The following ATP11A variants were observed in gnomAD, a reference collection of about 807,000 sequenced individuals.
The protein encoded by ATP11A is ATPase phospholipid transporting 11A, also known as phospholipid-transporting ATPase IH.
Under a neutral mutation model 154.4 loss-of-function variants are expected in ATP11A, and 81 were observed. The ratio of observed to expected loss-of-function variants is 0.52; its 90% confidence interval spans 0.44 to 0.63. The LOEUF (loss-of-function observed/expected upper bound fraction) is 0.63, where lower values mean the gene tolerates loss of function less well. Among genes scored for constraint, ATP11A ranks in the 30% least tolerant of loss-of-function variants. ATP11A has a pLI of 0.00. For missense variants in ATP11A, 1,316 were observed against 1,474.3 expected (o/e 0.89, Z 1.76); for synonymous variants, 623 against 585.9 (o/e 1.06, Z -0.91).
intron 1 of ATP11A, among the ~76,000 whole-genome samples, chr13:112,709,678 T>G (rs1384228224): frequency 1.3e-5 from 2 of 151,968 alleles, no homozygotes; most frequent in Non-Finnish European, 2.9e-5. Flanking sequence ...CCCCTCGCTT[T>G]GAGTTGTCTC....
rs36001240 is a variant in ATP11A at position 112,785,111 on chromosome 13, C to G, written c.40-24C>G. 0.044 allele frequency: 63,563 copies of G among 1,441,810 alleles called. 1,910 individuals are homozygous for G. The highest frequency in any genetic ancestry group is 0.096 in the Admixed American group (3,618 of 37,564). 89.3% of individuals were successfully genotyped at this position (1,441,810 alleles called of 1,614,324 possible). On this transcript the variant is annotated intron_variant, in intron 1 of 29. Coordinates refer to ENST00000375645, the MANE Select transcript of ATP11A (RefSeq NM_015205.3). The surrounding 1 kb of genome is among the most constrained non-coding windows in gnomAD (Gnocchi z 4.8). Reference sequence around the variant, plus strand: ...TTGATGCAGGTTCTGAGGCAGCTGCCTAACACCGCTCTCCTTTCCGCAGTG... The same window carrying G: ...TTGATGCAGGTTCTGAGGCAGCTGCGTAACACCGCTCTCCTTTCCGCAGTG...
chr13:112,873,638 C>G lies in ATP11A; in HGVS notation c.3123C>G (p.Phe1041Leu), dbSNP rs144144372. 31 of 1,613,632 alleles carry G rather than the reference C, an allele frequency of 1.9e-5. No individual in the cohort carries two copies. In the African/African-American group the frequency reaches 3.9e-4, roughly 20 times the overall value. The change falls in exon 27 of 30, where the codon TTC (phenylalanine) becomes TTG (leucine). Residue 1041 changes from phenylalanine to leucine, a missense_variant. By Grantham distance (22) the Phe-to-Leu change is conservative. Coordinates refer to ENST00000375645, the MANE Select transcript of ATP11A (RefSeq NM_015205.3). ...TTGTCATCTGGGGGTCGCTGCTGTT[C>G]TACGTTGTCTTTTCGCTTCTCTGGG... ...NHFVIWGSLL[F>L]YVVFSLLWGG...
At chr13:112,706,529 G>A (rs1257185425) in intron 1 of ATP11A, among the ~76,000 whole-genome samples, 1 of 152,158 alleles carries the variant, frequency 6.6e-6, no homozygotes, top group Non-Finnish European at 1.5e-5. Flanking sequence ...CTAATTGCTT[G>A]GTTTGAATAA....
At chr13:112,774,760 G>A (rs2077305906) in intron 1 of ATP11A, among the ~76,000 whole-genome samples, 1 of 152,250 alleles carries the variant, frequency 6.6e-6, no homozygotes, top group Non-Finnish European at 1.5e-5. Context: ...GAGTGTGAGA[G>A]CCCTGGGTCT....
At position 112,881,215 on chromosome 13, in the gene ATP11A, C is replaced by T. The variant is rs904946300; in HGVS notation, c.*10-661C>T. ...CATCAGACAGATGCGTGCTGCCGGCCTCCTGCCGCTCCCCTTGCTGGTCAG... is the reference window on the plus strand; with the variant it reads ...CATCAGACAGATGCGTGCTGCCGGCTTCCTGCCGCTCCCCTTGCTGGTCAG... On this transcript the variant is annotated intron_variant, in intron 29 of 29. Coordinates refer to ENST00000375645, the MANE Select transcript of ATP11A (RefSeq NM_015205.3). The T allele has an allele frequency of 5.1e-6, 5 of 989,392 alleles. No individual in the cohort carries two copies. In the African/African-American group the frequency reaches 7.0e-5, roughly 14 times the overall value. 61.3% of individuals were successfully genotyped at this position (989,392 alleles called of 1,614,324 possible).
intron 3 of ATP11A, among the ~76,000 whole-genome samples, chr13:112,805,502 C>T (rs939054259): frequency 2.0e-5 from 3 of 151,924 alleles, no homozygotes; most frequent in Non-Finnish European, 4.4e-5. Context: ...ATGGCTAAAC[C>T]CTGTCTCTAC....
At position 112,785,670 on chromosome 13, in the gene ATP11A, G is replaced by A. The variant is rs368102086; in HGVS notation, c.162+413G>A. Reference sequence around the variant, plus strand: ...CACCCCGGAGAAAGAGCCAACAAACGCAGGCTGGACAGCAAAACCTGGGGG... The same window carrying A: ...CACCCCGGAGAAAGAGCCAACAAACACAGGCTGGACAGCAAAACCTGGGGG... On this transcript the variant is annotated intron_variant, in intron 2 of 29. Transcript: ENST00000375645. The surrounding 1 kb of genome is among the most constrained non-coding windows in gnomAD (Gnocchi z 4.8). Among the ~76,000 whole-genome samples, 321 of 152,236 alleles carry A rather than the reference G, an allele frequency of 2.1e-3. 2 individuals carry two copies. The highest frequency in any genetic ancestry group is 7.0e-3 in the African/African-American group (291 of 41,550).
chr13:112,805,550 C>T (rs2078296669), intron 3 of ATP11A, among the ~76,000 whole-genome samples: 1 of 151,850 alleles, frequency 6.6e-6, no homozygotes, highest in African/African-American at 2.4e-5. Flanking sequence ...GTGGTGCACA[C>T]CTGTAGTCCC....
chr13:112,870,011 G>A, intron 25 of ATP11A, among the ~76,000 whole-genome samples: 1 of 152,152 alleles, frequency 6.6e-6, no homozygotes. Flanking sequence ...CCACGCCCCA[G>A]AAATGTCTCC....
chr13:112,701,060 G>C (rs1375296411), intron 1 of ATP11A, among the ~76,000 whole-genome samples: 3 of 152,180 alleles, frequency 2.0e-5, no homozygotes, highest in Non-Finnish European at 2.9e-5. Context: ...TCAGGAGGAC[G>C]TTGGGGGGCA....
intron 1 of ATP11A, among the ~76,000 whole-genome samples, chr13:112,739,519 T>G (rs1891320730): frequency 6.6e-6 from 1 of 152,218 alleles, no homozygotes; most frequent in African/African-American, 2.4e-5. Flanking sequence ...CATTGCTGGT[T>G]TGGAATGTAA....
At chr13:112,730,541 C>A (rs953574979) in intron 1 of ATP11A, among the ~76,000 whole-genome samples, 6 of 152,206 alleles carry the variant, frequency 3.9e-5, no homozygotes, top group Non-Finnish European at 7.3e-5. Flanking sequence ...ATGGGACACA[C>A]AGCCGCTTCC....
intron 19 of ATP11A, 115 bp downstream of exon 19, chr13:112,854,645 C>A (rs936280433): frequency 3.6e-5 from 46 of 1,271,062 alleles, no homozygotes; most frequent in Admixed American, 8.1e-5. Context: ...ATTCGGTTCT[C>A]CCCTGGGGCA....
intron 6 of ATP11A, among the ~76,000 whole-genome samples, chr13:112,818,190 C>T (rs551354535): frequency 3.5e-5 from 5 of 143,410 alleles, no homozygotes; most frequent in Admixed American, 1.4e-4. Context: ...ACCGTCGGTG[C>T]GCTTGGTGAC....
chr13:112,844,713 C>G (rs2079525539), intron 17 of ATP11A, among the ~76,000 whole-genome samples: 1 of 145,048 alleles, frequency 6.9e-6, no homozygotes, highest in South Asian at 2.1e-4. Context: ...GGTACTAGTT[C>G]AGCGGCCGCT....
At chr13:112,840,261 C>T (rs1428729550) in intron 16 of ATP11A, among the ~76,000 whole-genome samples, 1 of 109,586 alleles carries the variant, frequency 9.1e-6, no homozygotes, top group African/African-American at 3.7e-5. Context: ...CCCACTCTCC[C>T]GTGCCCTCCA....
At chr13:112,878,461 C>A in intron 29 of ATP11A, 158 bp downstream of exon 29, 1 of 691,226 alleles carries the variant, frequency 1.4e-6, no homozygotes, top group East Asian at 2.7e-5. Context: ...CCACTTACAC[C>A]TTCTCATGCA....
intron 25 of ATP11A, among the ~76,000 whole-genome samples, chr13:112,867,219 G>A (rs924720461): frequency 1.3e-5 from 2 of 152,182 alleles, no homozygotes; most frequent in African/African-American, 4.8e-5. Context: ...TCAGCTGGAC[G>A]TTCAGATCAT....
Position 112,853,767 on chromosome 13 carries a change from A to T in ATP11A, c.1992-512A>T, listed in dbSNP as rs149033676. Among the ~76,000 whole-genome samples, 581 of 152,302 alleles carry T rather than the reference A, an allele frequency of 3.8e-3. 7 individuals are homozygous for T. Among genetic ancestry groups the T allele is most frequent in the African/African-American group, 0.013 (559 of 41,556 alleles). On this transcript the variant is annotated intron_variant, in intron 18 of 29. Transcript: ENST00000375645. Reference sequence around the variant, plus strand: ...GCCCATGGCACCTGTTGGCCATAGAATCACTAGTGTTATTCTCAGTATTTT... The same window carrying T: ...GCCCATGGCACCTGTTGGCCATAGATTCACTAGTGTTATTCTCAGTATTTT...
Sources: allele counts gnomAD v4.1 joint callset (sites outside exome capture counted in the v4.1 genomes callset), GRCh38; gene constraint gnomAD v4.1.1; non-coding constraint Gnocchi (gnomAD v3.1); transcripts MANE v1.5; gene names NCBI Gene and HGNC (gene_info 2026-07-23, HGNC 2026-07-21).